Variants in NELL2 observed in about 807,000 individuals in gnomAD.
NELL2 encodes the protein neural EGFL like 2.
A neutral mutation model predicts 109.6 loss-of-function variants in NELL2; 41 were observed. That is an observed-to-expected ratio of 0.37 (90% confidence interval 0.29 to 0.49). NELL2 has a LOEUF of 0.49. NELL2 is among the 20% of genes least tolerant of loss of function. The probability of loss-of-function intolerance (pLI) is 0.98; values close to 1 mark genes in which losing one functional copy is unlikely to be tolerated. For synonymous variants in NELL2, 355 were observed against 344.7 expected (o/e 1.03, Z -0.33); for missense variants, 900 against 1,008.3 (o/e 0.89, Z 1.45).
intron 2 of NELL2, among the ~76,000 whole-genome samples, chr12:44,830,463 G>A (rs11182707): frequency 0.32 from 48,302 of 151,912 alleles, 8,495 homozygotes; most frequent in Non-Finnish European, 0.4. Flanking sequence ...TATCAAAATT[G>A]AGCTACATTT....
At chr12:44,828,258 T>G (rs1943778163) in intron 2 of NELL2, among the ~76,000 whole-genome samples, 1 of 152,146 alleles carries the variant, frequency 6.6e-6, no homozygotes, top group Non-Finnish European at 1.5e-5. Context: ...TTTCTCTCAT[T>G]CTGCACCCAA....
chr12:44,532,552 T>C (rs1387620864), intron 16 of NELL2, 29 bp downstream of exon 16: 1 of 1,597,318 alleles, frequency 6.3e-7, no homozygotes. Flanking sequence ...GAGAAGTTCT[T>C]AAATTCTAGG....
chr12:44,875,457 G>A, intron 1 of NELL2, 104 bp from the exon 2 acceptor site: 1 of 1,613,868 alleles, frequency 6.2e-7, no homozygotes, highest in Non-Finnish European at 8.5e-7. Context: ...CGACAATATT[G>A]GGAACTGAAG....
chr12:44,632,188 C>T (rs923932258), intron 13 of NELL2, among the ~76,000 whole-genome samples: 5 of 151,968 alleles, frequency 3.3e-5, no homozygotes, highest in Non-Finnish European at 5.9e-5. Flanking sequence ...TGATAAATGG[C>T]GTCAACGAAA....
chr12:44,636,086 G>C (rs1946626109), intron 13 of NELL2, among the ~76,000 whole-genome samples: 1 of 152,102 alleles, frequency 6.6e-6, no homozygotes, highest in South Asian at 2.1e-4. Context: ...CTCTCTGTTT[G>C]TCTATTATTG....
At chr12:44,600,377 T>C (rs1335046589) in intron 15 of NELL2, among the ~76,000 whole-genome samples, 1 of 151,756 alleles carries the variant, frequency 6.6e-6, no homozygotes, top group Non-Finnish European at 1.5e-5. Context: ...TACTAAAATA[T>C]ATCCTTCAAG....
rs1389742367 is a variant in NELL2, at chr12:44,726,397, T to A, written c.995-11656A>T. Among the ~76,000 whole-genome samples, 4 of 152,140 alleles carry A rather than the reference T, an allele frequency of 2.6e-5. No homozygotes were observed. In the East Asian group the frequency reaches 7.7e-4, roughly 29 times the overall value. ...CCAAAAAAGTTTGTGTTGCCTAAAGTGGGTGATGCAATGGGCTTCGCTTTC... is the reference window on the plus strand; with the variant it reads ...CCAAAAAAGTTTGTGTTGCCTAAAGAGGGTGATGCAATGGGCTTCGCTTTC... On this transcript the variant is annotated intron_variant, in intron 9 of 19. Coordinates refer to ENST00000429094, the MANE Select transcript of NELL2 (RefSeq NM_001145108.2).
chr12:44,785,571 A>G (rs1268307597), intron 3 of NELL2, among the ~76,000 whole-genome samples: 2 of 152,234 alleles, frequency 1.3e-5, no homozygotes, highest in Non-Finnish European at 2.9e-5. Flanking sequence ...CATATGGACA[A>G]GACAATCTTA....
intron 12 of NELL2, among the ~76,000 whole-genome samples, chr12:44,673,091 A>C (rs969420348): frequency 6.6e-6 from 1 of 152,176 alleles, no homozygotes; most frequent in Non-Finnish European, 1.5e-5. Context: ...ATAGCAAAAA[A>C]TACCACCATA....
At chr12:44,720,835 C>T (rs906065918) in intron 9 of NELL2, among the ~76,000 whole-genome samples, 3 of 152,200 alleles carry the variant, frequency 2.0e-5, no homozygotes. Context: ...ATGCAACCTC[C>T]CTTTTCTGTT....
Position 44,703,980 on chromosome 12 carries a change from T to C in NELL2, c.1190-126A>G, listed in dbSNP as rs1937707956. ...AATAATTTTTTAATTAGTATCTTCA[T>C]CAACATTTACAGAAGAATCACATGC... is the stretch of plus-strand genomic sequence containing the variant. On this transcript the variant is annotated intron_variant, in intron 11 of 19. Transcript: ENST00000429094. The C allele has an allele frequency of 5.3e-6, 4 of 750,932 alleles. No homozygotes were observed. The African/African-American group carries it at 5.4e-5, about 10-fold the overall frequency. 46.5% of individuals were successfully genotyped at this position (750,932 alleles called of 1,614,324 possible). A position where few individuals can be genotyped will look rare whatever the true frequency, so the allele number is the denominator to read the frequency against.
intron 15 of NELL2, among the ~76,000 whole-genome samples, chr12:44,589,293 A>C (rs17094827): frequency 0.016 from 2,460 of 152,228 alleles, 51 homozygotes; most frequent in African/African-American, 0.056. Context: ...CTGCTAGGCA[A>C]CAAAATACTC....
chr12:44,509,374 A>G (rs1236772633), intron 19 of NELL2, among the ~76,000 whole-genome samples: 2 of 152,190 alleles, frequency 1.3e-5, no homozygotes, highest in African/African-American at 4.8e-5. Context: ...CAAACATATA[A>G]TCAAAAATTG....
At chr12:44,575,774 T>A (rs943976941) in intron 15 of NELL2, among the ~76,000 whole-genome samples, 3 of 152,352 alleles carry the variant, frequency 2.0e-5, no homozygotes, top group African/African-American at 7.2e-5. Flanking sequence ...TCACATTGAA[T>A]AGACCTTCTG....
chr12:44,886,848 A>G (rs1019477169), intron 1 of NELL2, among the ~76,000 whole-genome samples: 2 of 151,932 alleles, frequency 1.3e-5, no homozygotes, highest in Non-Finnish European at 2.9e-5. Flanking sequence ...ATAAGCAACA[A>G]TATAATCTCT....
chr12:44,786,916 C>T (rs1196734959), intron 3 of NELL2, among the ~76,000 whole-genome samples: 2 of 151,980 alleles, frequency 1.3e-5, no homozygotes, highest in African/African-American at 4.8e-5. Flanking sequence ...AGGACAAATA[C>T]CTAATGCATG....
chr12:44,911,023 A>G (rs2136892236), intron 1 of NELL2, among the ~76,000 whole-genome samples: 1 of 152,040 alleles, frequency 6.6e-6, no homozygotes, highest in Non-Finnish European at 1.5e-5. Context: ...GGAGGAGGGT[A>G]AGGTTGAAAA....
chr12:44,794,086 T>C (rs1942530884), intron 3 of NELL2, among the ~76,000 whole-genome samples: 1 of 152,132 alleles, frequency 6.6e-6, no homozygotes, highest in African/African-American at 2.4e-5. Context: ...CTACCAAGGC[T>C]CGGCACAGCA....
At chr12:44,787,770 A>AT (rs1297900886) in intron 3 of NELL2, among the ~76,000 whole-genome samples, 6 of 148,186 alleles carry the variant, frequency 4.0e-5, no homozygotes, top group African/African-American at 1.5e-4. Context: ...AAAAAAAAAA[A>AT]TTTTAACTTC....
Sources: gnomAD v4.1 joint callset for allele counts (sites outside exome capture counted in the v4.1 genomes callset) on GRCh38, gnomAD v4.1.1 for gene constraint, MANE v1.5 for transcripts, NCBI Gene and HGNC (gene_info 2026-07-23, HGNC 2026-07-21) for gene names.